TAF3: variants seen among roughly 807,000 people sequenced by gnomAD.
TAF3 encodes TATA-box binding protein associated factor 3.
TAF3 carries 7 observed loss-of-function variants against 80.6 expected under a neutral mutation model. The observed-to-expected ratio is 0.09, with a 90% CI of 0.05 to 0.16. The LOEUF is 0.16. TAF3 is among the 10% of genes least tolerant of loss of function. The probability of loss-of-function intolerance (pLI) is 1.00; values close to 1 mark genes in which losing one functional copy is unlikely to be tolerated. For synonymous variants in TAF3, 444 were observed against 446.1 expected, an observed-to-expected ratio of 1.00 and a Z score of 0.06; for missense variants, 921 against 1,140.2, an observed-to-expected ratio of 0.81 and a Z score of 2.77.
In TAF3 at chr10:8,016,476, C is replaced by T. The variant is rs1352360215; in HGVS notation, c.*1725C>T. On this transcript the variant is annotated 3_prime_UTR_variant, in exon 7 of 7. Coordinates refer to ENST00000344293, the MANE Select transcript of TAF3 (RefSeq NM_031923.4). ...CTATCCCCGCTAAGAAACAAAGCATCTATGTTGAGATATGTGTTTTTTTGT... is the reference window on the plus strand; with the variant it reads ...CTATCCCCGCTAAGAAACAAAGCATTTATGTTGAGATATGTGTTTTTTTGT... The T allele has an allele frequency of 6.6e-6, 1 of 151,436 alleles. No individual in the cohort carries two copies. The highest frequency in any genetic ancestry group is 1.5e-5 in the Non-Finnish European group (1 of 67,988). The allele number at this position is 151,436 out of a possible 1,614,324, so 9.4% of individuals were successfully genotyped here.
At chr10:7,917,387 A>G (rs189526402) in intron 2 of TAF3, among the ~76,000 whole-genome samples, 1 of 152,350 alleles carries the variant, frequency 6.6e-6, no homozygotes, top group East Asian at 1.9e-4. Flanking sequence ...GCTGTCACAC[A>G]GAAACCAGCT....
chr10:7,925,468 A>G (rs988482966), intron 2 of TAF3, among the ~76,000 whole-genome samples: 1 of 152,214 alleles, frequency 6.6e-6, no homozygotes, highest in African/African-American at 2.4e-5. Context: ...TTCTTGTCTG[A>G]CTTTGATTAT....
At chr10:7,844,975 A>G (rs1436793569) in intron 2 of TAF3, among the ~76,000 whole-genome samples, 8 of 152,102 alleles carry the variant, frequency 5.3e-5, no homozygotes, top group Non-Finnish European at 1.2e-4. Context: ...CTTTTATATT[A>G]TTTCCTTATG....
chr10:7,974,348 T>C (rs1398727885), intron 3 of TAF3, among the ~76,000 whole-genome samples: 1 of 152,304 alleles, frequency 6.6e-6, no homozygotes, highest in East Asian at 1.9e-4. Flanking sequence ...TGTGGGCAAG[T>C]TGATACGTTA....
At position 7,838,908 on chromosome 10, in the gene TAF3, G is replaced by GTTTTTTTTTTTTTTT. The variant is rs71505463; in HGVS notation, c.409+14349_409+14363dup. Among the ~76,000 whole-genome samples the GTTTTTTTTTTTTTTT allele has an allele frequency of 3.8e-4, 39 of 101,808 alleles. 3 individuals are homozygous for GTTTTTTTTTTTTTTT. Among genetic ancestry groups the GTTTTTTTTTTTTTTT allele is most frequent in the African/African-American group, 4.7e-4 (12 of 25,674 alleles). 66.8% of individuals were successfully genotyped at this position (101,808 alleles called of 152,430 possible). A position where few individuals can be genotyped will look rare whatever the true frequency, so the allele number is the denominator to read the frequency against. ...GGGAAGTTGTCTGGAGGCATTGCTT[G>GTTTTTTTTTTTTTTT]TTTTTTTTTTTTTTTGGTTTGTTTG... On this transcript the variant is annotated intron_variant, in intron 2 of 6. Transcript: ENST00000344293.
chr10:7,869,462 T>C lies in TAF3; in HGVS notation c.409+44902T>C, dbSNP rs187036010. On this transcript the variant is annotated intron_variant, in intron 2 of 6. Transcript: ENST00000344293. ...AGGTCTTTCCATGTCTGTTAACTTA[T>C]CCTCATGGGAGCATAGTGTTGCATT... Among the ~76,000 whole-genome samples, 1,054 of 152,366 alleles carry C rather than the reference T, an allele frequency of 6.9e-3. 5 individuals are homozygous for C. Among genetic ancestry groups the C allele is most frequent in the Non-Finnish European group, 0.011 (751 of 68,030 alleles).
intron 2 of TAF3, among the ~76,000 whole-genome samples, chr10:7,947,825 G>A (rs1233547175): frequency 6.6e-6 from 1 of 152,120 alleles, no homozygotes; most frequent in Non-Finnish European, 1.5e-5. Flanking sequence ...TCTGATTTGG[G>A]ATTCGGAGTT....
chr10:7,929,542 C>T (rs972318583), intron 2 of TAF3, among the ~76,000 whole-genome samples: 6 of 151,992 alleles, frequency 3.9e-5, no homozygotes, highest in Admixed American at 1.3e-4. Flanking sequence ...AGACTACAGG[C>T]GTGTGCCACC....
intron 3 of TAF3, among the ~76,000 whole-genome samples, chr10:7,974,419 C>T (rs1428585453): frequency 6.6e-6 from 1 of 152,176 alleles, no homozygotes; most frequent in African/African-American, 2.4e-5. Context: ...GTTGAATAGG[C>T]ATCTTCATAT....
intron 2 of TAF3, among the ~76,000 whole-genome samples, chr10:7,879,727 T>C (rs1360603045): frequency 1.3e-5 from 2 of 152,230 alleles, no homozygotes; most frequent in Non-Finnish European, 2.9e-5. Context: ...TATTTACCTT[T>C]CTGGATTTAT....
chr10:7,919,714 G>A (rs904738847), intron 2 of TAF3, among the ~76,000 whole-genome samples: 1 of 151,894 alleles, frequency 6.6e-6, no homozygotes, highest in African/African-American at 2.4e-5. Flanking sequence ...AGCTAATACA[G>A]TATAAATGCT....
intron 2 of TAF3, among the ~76,000 whole-genome samples, chr10:7,894,452 T>A (rs1837487748): frequency 6.6e-6 from 1 of 152,238 alleles, no homozygotes; most frequent in African/African-American, 2.4e-5. Context: ...GGTATCCATG[T>A]CTTCATCCTA....
At chr10:7,939,619 C>CACACCT (rs1837958934) in intron 2 of TAF3, among the ~76,000 whole-genome samples, 1 of 142,508 alleles carries the variant, frequency 7.0e-6, no homozygotes, top group Non-Finnish European at 1.6e-5. Flanking sequence ...CACACACACA[C>CACACCT]ACCTCTACCT....
chr10:7,823,129 C>A (rs768234421), intron 1 of TAF3, among the ~76,000 whole-genome samples: 5 of 151,950 alleles, frequency 3.3e-5, no homozygotes, highest in Non-Finnish European at 5.9e-5. Context: ...CGAACAAAAA[C>A]CAAACTTTTA....
chr10:7,978,568 C>CA (rs1348996894), intron 4 of TAF3, among the ~76,000 whole-genome samples: 25 of 152,290 alleles, frequency 1.6e-4, no homozygotes. Flanking sequence ...CCTGTGGATT[C>CA]AGTGCTTTTG....
At chr10:7,903,790 A>T (rs765638169) in intron 2 of TAF3, among the ~76,000 whole-genome samples, 2 of 151,996 alleles carry the variant, frequency 1.3e-5, no homozygotes, top group Non-Finnish European at 2.9e-5. Context: ...AGAAATATGT[A>T]TTATTTTGCT....
chr10:7,840,406 C>T (rs1384858237), intron 2 of TAF3, among the ~76,000 whole-genome samples: 1 of 151,896 alleles, frequency 6.6e-6, no homozygotes, highest in Non-Finnish European at 1.5e-5. Context: ...CCCGCCTCGG[C>T]CTCCCAAAGT....
At chr10:7,967,418 A>G (rs1831583026) in intron 3 of TAF3, among the ~76,000 whole-genome samples, 1 of 152,170 alleles carries the variant, frequency 6.6e-6, no homozygotes, top group East Asian at 1.9e-4. Context: ...CATCTACCTG[A>G]CTTTAGGGAA....
At chr10:7,865,458 G>C (rs1277515153) in intron 2 of TAF3, among the ~76,000 whole-genome samples, 1 of 151,062 alleles carries the variant, frequency 6.6e-6, no homozygotes, top group Non-Finnish European at 1.5e-5. Context: ...CAGCCTGGGG[G>C]ACAGAGTGAG....
Sources: allele counts gnomAD v4.1 joint callset (sites outside exome capture counted in the v4.1 genomes callset), GRCh38; gene constraint gnomAD v4.1.1; transcripts MANE v1.5; gene names NCBI Gene and HGNC (gene_info 2026-07-23, HGNC 2026-07-21).